DNAH9: variants seen among roughly 807,000 people sequenced by gnomAD.
DNAH9 encodes the protein dynein axonemal heavy chain 9.
DNAH9 carries 345 observed loss-of-function variants against 471.6 expected under a neutral mutation model. The ratio of observed to expected loss-of-function variants is 0.73; its 90% confidence interval spans 0.67 to 0.80. The LOEUF is 0.80. Ranked by LOEUF, DNAH9 falls within the 30% of genes least tolerant of loss-of-function variation. The pLI is 0.00. For synonymous variants in DNAH9, 2,093 were observed against 2,123.6 expected, an observed-to-expected ratio of 0.99 and a Z score of 0.40; for missense variants, 5,407 against 5,609.2, an observed-to-expected ratio of 0.96 and a Z score of 1.15.
At chr17:11,670,285 A>G (rs1308892022) in intron 17 of DNAH9, among the ~76,000 whole-genome samples, 1 of 152,258 alleles carries the variant, frequency 6.6e-6, no homozygotes, top group Middle Eastern at 3.4e-3. Flanking sequence ...TGTCTGTCCT[A>G]CTGTGACCTA....
Position 11,810,308 on chromosome 17 carries a change from G to A in DNAH9, c.8646G>A (p.Met2882Ile). 1 of 1,613,896 alleles carries A rather than the reference G, an allele frequency of 6.2e-7. No homozygotes were observed. Among genetic ancestry groups the A allele is most frequent in the African/African-American group, 1.3e-5 (1 of 75,044 alleles). Residue 2882 changes from methionine (M) to isoleucine (I), a missense_variant, in exon 45 of 69, where the codon ATG (methionine) becomes ATA (isoleucine). By Grantham distance (10) the Met-to-Ile change is conservative. Around this residue, in one of 3 missense-constraint regions of DNAH9, gnomAD observed 4,636 missense variants for 4,900.3 expected, o/e 0.95. Transcript: ENST00000262442. ...AGAATCTCAACACAGTGTTTCTCATGACTGATGCCCAAGTGGCTGATGAGA... is the reference window on the plus strand; with the variant it reads ...AGAATCTCAACACAGTGTTTCTCATAACTGATGCCCAAGTGGCTGATGAGA... ...GVKNLNTVFL[M>I]TDAQVADERF...
At chr17:11,768,413 T>G in intron 36 of DNAH9, 40 bp from the exon 37 acceptor site, 1 of 1,597,072 alleles carries the variant, frequency 6.3e-7, no homozygotes. Context: ...CTTCTTGAGT[T>G]CTGGAGGACC....
intron 12 of DNAH9, among the ~76,000 whole-genome samples, chr17:11,650,194 A>G (rs1316338447): frequency 2.0e-5 from 3 of 152,174 alleles, no homozygotes; most frequent in Non-Finnish European, 4.4e-5. Context: ...CCCACTAGCA[A>G]TAAAGAATTG....
At position 11,768,470 on chromosome 17, in the gene DNAH9, A is replaced by G. The variant is rs1453590075; in HGVS notation, c.7188A>G (p.Ala2396=). The change falls in exon 37 of 69, where the codon GCA becomes GCG. Residue 2396 remains alanine, a synonymous_variant. Transcript: ENST00000262442. ...TTTTGCAGCTTGTGGACTACCGGGCAGAGTTCAGCAAATGGTGGCTGACTG... is the reference window on the plus strand; with the variant it reads ...TTTTGCAGCTTGTGGACTACCGGGCGGAGTTCAGCAAATGGTGGCTGACTG... The part of the protein sequence containing the change: ...MVQDQLVDYR[A]EFSKWWLTEF... 2 of 1,613,964 alleles carry G rather than the reference A, an allele frequency of 1.2e-6. No homozygotes were observed. The highest frequency in any genetic ancestry group is 1.7e-5 in the Admixed American group (1 of 60,014).
intron 61 of DNAH9, among the ~76,000 whole-genome samples, chr17:11,910,697 G>A (rs570900711): frequency 7.9e-5 from 12 of 152,160 alleles, no homozygotes; most frequent in Admixed American, 7.2e-4. Flanking sequence ...CAGTTTCCCC[G>A]AGTCTTCACC....
chr17:11,611,011 A>G (rs1258490224), intron 3 of DNAH9, among the ~76,000 whole-genome samples: 2 of 151,848 alleles, frequency 1.3e-5, no homozygotes, highest in Non-Finnish European at 2.9e-5. Flanking sequence ...TGGAAAGTTC[A>G]TCTTCCAGGG....
rs1971727225 is a variant in DNAH9 at position 11,859,019 on chromosome 17, G to C, written c.9933+4591G>C. 2.0e-5 allele frequency among the ~76,000 whole-genome samples: 3 copies of C among 147,984 alleles called. No individual in the cohort carries two copies. In the South Asian group the frequency reaches 6.4e-4, roughly 31 times the overall value. On this transcript the variant is annotated intron_variant, in intron 50 of 68. Transcript: ENST00000262442. ...GAATCACTTGAACCCAGGATGCAGA[G>C]GTTGCAGTGAGCCAAGATTGCGCCA...
At chr17:11,942,896 CTTT>C (rs71142257) in intron 67 of DNAH9, among the ~76,000 whole-genome samples, 5 of 127,904 alleles carry the variant, frequency 3.9e-5, no homozygotes, top group East Asian at 2.3e-4. Context: ...CTTGTTTTTT[CTTT>C]TTTTTTTTTT....
At chr17:11,642,052 C>T (rs972819730) in intron 10 of DNAH9, among the ~76,000 whole-genome samples, 1 of 152,016 alleles carries the variant, frequency 6.6e-6, no homozygotes. Flanking sequence ...AAGGCTGCTC[C>T]CAAAGAGGGA....
At position 11,747,700 on chromosome 17, in the gene DNAH9, C is replaced by G; in HGVS notation, c.6544C>G (p.Pro2182Ala). 3.1e-6 allele frequency: 5 copies of G among 1,614,158 alleles called. No individual in the cohort carries two copies. The highest frequency in any genetic ancestry group is 4.2e-6 in the Non-Finnish European group (5 of 1,180,032). ...KRRPVWTDLN[P>A]KAVTNDELFG... ...GCGCCCCGTCTGGACTGACCTCAAT[C>G]CCAAAGCAGTCACAAATGATGAGCT... The change falls in exon 32 of 69, where the codon CCC becomes GCC. Residue 2182 changes from proline to alanine, a missense_variant. Physicochemically the swap from Pro to Ala is conservative, Grantham distance 27 (BLOSUM62 -1). Coordinates refer to ENST00000262442, the MANE Select transcript of DNAH9 (RefSeq NM_001372.4).
intron 67 of DNAH9, among the ~76,000 whole-genome samples, chr17:11,953,587 G>T (rs760780598): frequency 6.6e-6 from 1 of 151,940 alleles, no homozygotes; most frequent in Non-Finnish European, 1.5e-5. Flanking sequence ...TGAGGCGGGC[G>T]GATCACGAGG....
At chr17:11,782,626 G>A (rs1359798501) in intron 39 of DNAH9, among the ~76,000 whole-genome samples, 1 of 152,212 alleles carries the variant, frequency 6.6e-6, no homozygotes, top group Non-Finnish European at 1.5e-5. Flanking sequence ...GCTGGGTGCA[G>A]TGGCTTATGC....
intron 8 of DNAH9, among the ~76,000 whole-genome samples, chr17:11,633,260 T>C (rs555311609): frequency 3.3e-5 from 5 of 152,190 alleles, no homozygotes; most frequent in Non-Finnish European, 7.3e-5. Flanking sequence ...TGGAGCATGA[T>C]ATGTGTTCCA....
At chr17:11,732,032 T>G (rs72810892) in intron 28 of DNAH9, among the ~76,000 whole-genome samples, 17,487 of 152,186 alleles carry the variant, frequency 0.11, 1,306 homozygotes, top group African/African-American at 0.21. Flanking sequence ...TCTATGCCCT[T>G]CACTCCTTCT....
chr17:11,659,916 C>A (rs910917274), intron 14 of DNAH9, among the ~76,000 whole-genome samples: 1 of 152,154 alleles, frequency 6.6e-6, no homozygotes, highest in Non-Finnish European at 1.5e-5. Flanking sequence ...GTCTGATTAC[C>A]CCAACATTAT....
intron 1 of DNAH9, among the ~76,000 whole-genome samples, chr17:11,605,238 C>A (rs901477104): frequency 6.6e-6 from 1 of 152,152 alleles, no homozygotes; most frequent in African/African-American, 2.4e-5. Flanking sequence ...AGGCCAACCT[C>A]AACATTTACA....
At chr17:11,865,849 G>A (rs1388005955) in intron 50 of DNAH9, among the ~76,000 whole-genome samples, 4 of 152,148 alleles carry the variant, frequency 2.6e-5, no homozygotes, top group Non-Finnish European at 5.9e-5. Flanking sequence ...TGTAGTTCTC[G>A]TGCCTTGGCT....
intron 14 of DNAH9, among the ~76,000 whole-genome samples, chr17:11,662,356 T>C (rs1285082512): frequency 3.9e-5 from 6 of 152,204 alleles, no homozygotes; most frequent in Admixed American, 1.3e-4. Flanking sequence ...TTTTGTGAAA[T>C]TATGATATTC....
At chr17:11,756,023 T>C (rs894925080) in intron 33 of DNAH9, among the ~76,000 whole-genome samples, 1 of 152,130 alleles carries the variant, frequency 6.6e-6, no homozygotes, top group African/African-American at 2.4e-5. Context: ...GGTTCAAGCC[T>C]GTGAGCACTT....
Sources: gnomAD v4.1 joint callset for allele counts (sites outside exome capture counted in the v4.1 genomes callset) on GRCh38, gnomAD v4.1.1 for gene constraint, gnomAD v4.1.1 regional missense constraint, MANE v1.5 for transcripts, NCBI Gene and HGNC (gene_info 2026-07-23, HGNC 2026-07-21) for gene names.